A1CF: variants seen among roughly 807,000 people sequenced by gnomAD.
A1CF encodes APOBEC1 complementation factor.
A1CF carries 48 observed loss-of-function variants against 68.9 expected under a neutral mutation model. The ratio of observed to expected loss-of-function variants is 0.70; its 90% CI spans 0.55 to 0.89. The LOEUF is 0.89. Ranked by LOEUF, A1CF falls within the 40% of genes least tolerant of loss-of-function variation. The pLI, the probability that A1CF is intolerant of heterozygous loss-of-function variation, is 0.00. For synonymous variants in A1CF, 272 were observed against 260.4 expected (o/e 1.04, Z -0.43); for missense variants, 653 against 718.9 (o/e 0.91, Z 1.05).
chr10:50,841,153 C>A (rs1395912304), intron 5 of A1CF, among the ~76,000 whole-genome samples: 1 of 152,196 alleles, frequency 6.6e-6, no homozygotes, highest in Non-Finnish European at 1.5e-5. Flanking sequence ...AAACTCTTTC[C>A]TCCCTTCTAT....
intron 9 of A1CF, among the ~76,000 whole-genome samples, chr10:50,815,104 C>T (rs1356422676): frequency 6.6e-6 from 1 of 152,012 alleles, no homozygotes; most frequent in African/African-American, 2.4e-5. Flanking sequence ...TAAGTCAAAC[C>T]CAAGAATAGA....
At chr10:50,810,602 G>GTAGT (rs1378891831) in intron 11 of A1CF, among the ~76,000 whole-genome samples, 1 of 152,136 alleles carries the variant, frequency 6.6e-6, no homozygotes, top group Non-Finnish European at 1.5e-5. Flanking sequence ...AGCCTGCTGA[G>GTAGT]TAACTATGAC....
chr10:50,824,225 T>C (rs1308134510), intron 7 of A1CF: 1 of 152,072 alleles, frequency 6.6e-6, no homozygotes, highest in African/African-American at 2.4e-5. Flanking sequence ...GTGATGTTCA[T>C]TATTTTCATG....
Position 50,806,803 on chromosome 10 carries a change from CT to C in A1CF, c.1686del (p.Ala563GlnfsTer14). On this transcript the variant is annotated frameshift_variant, in exon 13 of 13. Transcript: ENST00000373997. LOFTEE classifies it high-confidence loss of function. The stretch of plus-strand genomic sequence containing the variant: ...TAGACCTCATAGGTTGTATATGCTG[CT>C]AAGTCTTGTCCAAGGGTTACCGCTT... The part of the protein sequence containing the change: ...LKQAVTLGQD[L>X]AAYTTYEVYP... The C allele has an allele frequency of 6.2e-7, 1 of 1,613,562 alleles. No individual in the cohort carries two copies. Among genetic ancestry groups the C allele is most frequent in the East Asian group, 2.2e-5 (1 of 44,832 alleles).
chr10:50,817,720 A>G (rs1047355841), intron 8 of A1CF, among the ~76,000 whole-genome samples: 2 of 152,220 alleles, frequency 1.3e-5, no homozygotes, highest in African/African-American at 4.8e-5. Flanking sequence ...CCATATCAAG[A>G]GATGTTTTGC....
intron 9 of A1CF, 75 bp downstream of exon 9, chr10:50,815,931 T>TGGGTCCCCAGTGCAGTA: frequency 2.6e-6 from 4 of 1,512,448 alleles, no homozygotes; most frequent in Non-Finnish European, 3.6e-6. Flanking sequence ...ACCCATCCAA[T>TGGGTCCCCAGTGCAGTA]GTATCTAAGG....
At chr10:50,845,362 C>G (rs1366224042) in intron 3 of A1CF, among the ~76,000 whole-genome samples, 1 of 152,172 alleles carries the variant, frequency 6.6e-6, no homozygotes, top group African/African-American at 2.4e-5. Context: ...TTGACATTTT[C>G]AGAGACATTA....
intron 2 of A1CF, among the ~76,000 whole-genome samples, chr10:50,861,330 C>G (rs1840735434): frequency 1.3e-5 from 2 of 149,974 alleles, no homozygotes; most frequent in South Asian, 4.2e-4. Context: ...ACTGATAGCA[C>G]TAATATTAGT....
chr10:50,816,856 T>C (rs1401403509), intron 8 of A1CF, among the ~76,000 whole-genome samples: 1 of 152,220 alleles, frequency 6.6e-6, no homozygotes, highest in Non-Finnish European at 1.5e-5. Flanking sequence ...ACTGTGGCTC[T>C]ACCAAAGGAA....
intron 5 of A1CF, among the ~76,000 whole-genome samples, chr10:50,840,021 C>T (rs1245043504): frequency 1.3e-5 from 2 of 152,120 alleles, no homozygotes; most frequent in East Asian, 1.9e-4. Context: ...GGATTACAGG[C>T]GTGAGTCACT....
chr10:50,872,946 CTTTTTTTTTTT>C (rs34770362), intron 1 of A1CF, among the ~76,000 whole-genome samples: 2,216 of 67,418 alleles, frequency 0.033, 87 homozygotes, highest in African/African-American at 0.11. Flanking sequence ...ATTTAAGTTC[CTTTTTTTTTTT>C]TTTTTTTTTT....
At position 50,824,917 on chromosome 10, in the gene A1CF, C is replaced by T. The variant is rs139026652; in HGVS notation, c.769+3214G>A. 6.1e-3 allele frequency among the ~76,000 whole-genome samples: 921 copies of T among 152,226 alleles called. 7 individuals are homozygous for T. Among genetic ancestry groups the T allele is most frequent in the African/African-American group, 0.021 (859 of 41,552 alleles). On this transcript the variant is annotated intron_variant, in intron 7 of 12. Transcript: ENST00000373997. ...TAAATGACACATGCTGTGAAAGTGCCCACTGCAATGCTTGGCACACAGTAA... is the reference window on the plus strand; with the variant it reads ...TAAATGACACATGCTGTGAAAGTGCTCACTGCAATGCTTGGCACACAGTAA...
At position 50,867,786 on chromosome 10, in the gene A1CF, G is replaced by A. The variant is rs139423407; in HGVS notation, c.-93-3706C>T. ...GAAGATTTCTTGGTTAAAAATTAAA[G>A]TAATTATCCTCGACTTTAACAAAAG... On this transcript the variant is annotated intron_variant, in intron 1 of 12. Coordinates refer to ENST00000373997, the MANE Select transcript of A1CF (RefSeq NM_014576.4). 8.5e-5 allele frequency among the ~76,000 whole-genome samples: 13 copies of A among 152,288 alleles called. No homozygotes were observed. In the East Asian group the frequency reaches 2.5e-3, roughly 29 times the overall value.
At chr10:50,840,238 A>G (rs770367794) in intron 5 of A1CF, among the ~76,000 whole-genome samples, 99 of 152,246 alleles carry the variant, frequency 6.5e-4, no homozygotes, top group Middle Eastern at 6.8e-3. Context: ...GTAAAAAAAA[A>G]AACTGCATCT....
At chr10:50,877,424 T>C (rs1321605586) in intron 1 of A1CF, among the ~76,000 whole-genome samples, 1 of 152,162 alleles carries the variant, frequency 6.6e-6, no homozygotes, top group East Asian at 1.9e-4. Flanking sequence ...TTTGGAGAAA[T>C]TTAAGTTGAA....
rs144921961 is a variant in A1CF, at chr10:50,843,259, C to A, written c.234+729G>T. On this transcript the variant is annotated intron_variant, in intron 4 of 12. Transcript: ENST00000373997. ...TCAGATTCAGTATATAAGATTCTTA[C>A]AGAATTAAGTCCTCATCATTTGTCC... Among the ~76,000 whole-genome samples the A allele has an allele frequency of 6.6e-5, 10 of 152,240 alleles. No individual in the cohort carries two copies. The East Asian group carries it at 1.9e-3, about 29-fold the overall frequency.
intron 1 of A1CF, among the ~76,000 whole-genome samples, chr10:50,867,156 T>C (rs1841030861): frequency 6.6e-6 from 1 of 152,100 alleles, no homozygotes; most frequent in East Asian, 1.9e-4. Context: ...GAAATCGTAG[T>C]TGGGCACTAC....
At chr10:50,870,592 A>T (rs977653932) in intron 1 of A1CF, among the ~76,000 whole-genome samples, 15 of 151,902 alleles carry the variant, frequency 9.9e-5, no homozygotes, top group Non-Finnish European at 2.2e-4. Context: ...TAAGTTAAAA[A>T]TTTGAATAAA....
At position 50,799,914 on chromosome 10, in the gene A1CF, A is replaced by G. The variant is rs1023099452; in HGVS notation, c.*6815T>C. On this transcript the variant is annotated 3_prime_UTR_variant, in exon 13 of 13. Transcript: ENST00000373997. ...TAAGAATAAAAATTCCAATGGTTAC[A>G]TTAAATATTTAAACCAGTGATAATG... 1 of 152,160 alleles carries G rather than the reference A, an allele frequency of 6.6e-6. No homozygotes were observed. Among genetic ancestry groups the G allele is most frequent in the African/African-American group, 2.4e-5 (1 of 41,466 alleles). The allele number at this position is 152,160 out of a possible 1,614,324, so 9.4% of individuals were successfully genotyped here.
Sources: allele counts gnomAD v4.1 joint callset (sites outside exome capture counted in the v4.1 genomes callset), GRCh38; gene constraint gnomAD v4.1.1; transcripts MANE v1.5; gene names NCBI Gene and HGNC (gene_info 2026-07-23, HGNC 2026-07-21).